Variants in CHRNG observed in about 807,000 individuals in gnomAD.
CHRNG encodes the protein acetylcholine receptor subunit gamma.
A neutral mutation model predicts 65.2 loss-of-function variants in CHRNG; 72 were observed. That is an observed-to-expected ratio of 1.10 (90% CI 0.91 to 1.34). CHRNG has a LOEUF of 1.34. CHRNG is among the 40% of genes most tolerant of loss of function. The pLI, the probability that CHRNG is intolerant of heterozygous loss-of-function variation, is 0.00. For synonymous variants in CHRNG, 284 were observed against 290.2 expected (o/e 0.98, Z 0.22); for missense variants, 637 against 680.1 (o/e 0.94, Z 0.70).
At position 232,543,079 on chromosome 2, in the gene CHRNG, A is replaced by C. The variant is rs1404804008; in HGVS notation, c.802A>C (p.Lys268Gln). 6.2e-7 allele frequency: 1 copy of C among 1,613,844 alleles called. No individual in the cohort carries two copies. The highest frequency in any genetic ancestry group is 1.3e-5 in the African/African-American group (1 of 74,922). Residue 268 changes from lysine to glutamine, a missense_variant, in exon 7 of 12, where the codon AAG becomes CAG. By Grantham distance (53) the Lys-to-Gln change is moderately conservative. Coordinates refer to ENST00000651502, the MANE Select transcript of CHRNG (RefSeq NM_005199.5). ...CATCCTCATCCACTTCCTTCCTGCC[A>C]AGGGTACCTGGAGCCTATGGGAAGG... The part of the protein sequence containing the change: ...VAILIHFLPA[K>Q]AGGQKCTVAI...
At position 232,547,854 on chromosome 2, in the gene CHRNG, CTA is replaced by C. The variant is rs2106225090; in HGVS notation, c.*2141_*2142del. On this transcript the variant is annotated 3_prime_UTR_variant, in exon 12 of 12. Coordinates refer to ENST00000651502, the MANE Select transcript of CHRNG (RefSeq NM_005199.5). ...CAAATGTTAACATTAGCTGCCATTA[CTA>C]TAAGTTACTGTCTCATGGGATCCAT... is the stretch of plus-strand genomic sequence containing the variant. 1 of 347,418 alleles carries C rather than the reference CTA, an allele frequency of 2.9e-6. No individual in the cohort carries two copies. Among genetic ancestry groups the C allele is most frequent in the African/African-American group, 2.1e-5 (1 of 47,692 alleles). 21.5% of individuals were successfully genotyped at this position (347,418 alleles called of 1,614,324 possible). A position where few individuals can be genotyped will look rare whatever the true frequency, so the allele number is the denominator to read the frequency against.
chr2:232,543,554 C>A (rs1399175762), intron 8 of CHRNG, 31 bp from the exon 9 acceptor site: 5 of 1,433,566 alleles, frequency 3.5e-6, no homozygotes, highest in Non-Finnish European at 4.9e-6. Flanking sequence ...ATGGTATGGG[C>A]TGCCAGCTCC....
At position 232,545,793 on chromosome 2, in the gene CHRNG, T is replaced by A; in HGVS notation, c.*77T>A. 9 of 1,512,300 alleles carry A rather than the reference T, an allele frequency of 6.0e-6. No homozygotes were observed. Among genetic ancestry groups the A allele is most frequent in the Non-Finnish European group, 8.2e-6 (9 of 1,091,308 alleles). The allele number at this position is 1,512,300 out of a possible 1,614,324, so 93.7% of individuals were successfully genotyped here. On this transcript the variant is annotated 3_prime_UTR_variant, in exon 12 of 12. Coordinates refer to ENST00000651502, the MANE Select transcript of CHRNG (RefSeq NM_005199.5). ...AGTCTTATCAGCCACGTTCTCCTACTGAGGTCCTAAGTGTGCTCTTTGGGA... is the reference window on the plus strand; with the variant it reads ...AGTCTTATCAGCCACGTTCTCCTACAGAGGTCCTAAGTGTGCTCTTTGGGA...
chr2:232,544,184 T>A (rs752256416), intron 9 of CHRNG, among the ~76,000 whole-genome samples, 183 bp from the exon 10 acceptor site: 1 of 152,182 alleles, frequency 6.6e-6, no homozygotes, highest in Non-Finnish European at 1.5e-5. Context: ...CCCTGGTGAT[T>A]CTGATGTGCA....
In CHRNG at chr2:232,544,486, T is replaced by A. The variant is rs370313191; in HGVS notation, c.1155T>A (p.Thr385=). The A allele has an allele frequency of 1.2e-6, 2 of 1,613,752 alleles. No homozygotes were observed. Among genetic ancestry groups the A allele is most frequent in the East Asian group, 2.2e-5 (1 of 44,864 alleles). ...GCTCCTCGGGATGGTCGATCACAAC[T>A]GGGGAGGAGGTGGCCCTCTGCCTGC... The part of the protein sequence containing the change: ...QNGSSGWSIT[T]GEEVALCLPR... Residue 385 remains threonine, a synonymous_variant, in exon 10 of 12, where the codon ACT becomes ACA. Transcript: ENST00000651502.
chr2:232,539,938 TC>T, intron 1 of CHRNG, 53 bp from the exon 2 acceptor site: 1 of 1,613,216 alleles, frequency 6.2e-7, no homozygotes, highest in Non-Finnish European at 8.5e-7. Context: ...CCCCAGGGCC[TC>T]CCCGCTCTTT....
intron 11 of CHRNG, 38 bp downstream of exon 11, chr2:232,544,940 A>G (rs1692097123): frequency 6.2e-7 from 1 of 1,612,840 alleles, no homozygotes; most frequent in Non-Finnish European, 8.5e-7. Flanking sequence ...TGGAGTGAGT[A>G]CCTGGGCTTG....
chr2:232,545,210 G>C (rs1574647165), intron 11 of CHRNG, among the ~76,000 whole-genome samples: 1 of 152,136 alleles, frequency 6.6e-6, no homozygotes, highest in Admixed American at 6.5e-5. Flanking sequence ...AGGAGGCTGA[G>C]GCAGGAGAAT....
chr2:232,539,791 C>A lies in CHRNG; in HGVS notation c.44C>A (p.Ala15Asp). The change falls in exon 1 of 12, where the codon GCT becomes GAT. Residue 15 changes from alanine to aspartate, a missense_variant. By Grantham distance (126) the Ala-to-Asp change is moderately radical. Transcript: ENST00000651502. ...QGPLLLLLLL[A>D]VCLGAQGRNQ... ...CCGCTGCTCCTCCTGCTGCTGCTGG[C>A]TGTCTGCCTGGGTGGGACACAAAGG... The A allele has an allele frequency of 6.2e-7, 1 of 1,613,898 alleles. No individual in the cohort carries two copies. The highest frequency in any genetic ancestry group is 1.1e-5 in the South Asian group (1 of 91,078).
Position 232,545,333 on chromosome 2 carries a change from G to A in CHRNG, c.1381-210G>A, listed in dbSNP as rs744159. ...GACTCCGTCTCAAAAAAAAAAAAAA[G>A]GAAAGAAAGAAAGAAAAAGGAACAG... On this transcript the variant is annotated intron_variant, in intron 11 of 11. Transcript: ENST00000651502. 0.42 allele frequency among the ~76,000 whole-genome samples: 61,032 copies of A among 146,368 alleles called. 14,085 individuals carry two copies. The highest frequency in any genetic ancestry group is 0.58 in the South Asian group (2,721 of 4,698).
rs145830034 is a variant in CHRNG at position 232,543,592 on chromosome 2, A to T, written c.928A>T (p.Thr310Ser). Residue 310 changes from threonine to serine, a missense_variant, in exon 9 of 12, where the codon ACC becomes TCC. Coordinates refer to ENST00000651502, the MANE Select transcript of CHRNG (RefSeq NM_005199.5). ...QAVPLISKYL[T>S]FLLVVTILIV... The stretch of plus-strand genomic sequence containing the variant: ...CCCACCCCACCCTGACAGGTACCTG[A>T]CCTTCCTCCTGGTGGTGACCATCCT... The T allele has an allele frequency of 1.2e-4, 191 of 1,608,050 alleles. No individual in the cohort carries two copies. The African/African-American group carries it at 2.3e-3, about 20-fold the overall frequency.
At position 232,539,762 on chromosome 2, in the gene CHRNG, G is replaced by A; in HGVS notation, c.15G>A (p.Gln5=). 1 of 1,613,960 alleles carries A rather than the reference G, an allele frequency of 6.2e-7. No individual in the cohort carries two copies. Among genetic ancestry groups the A allele is most frequent in the South Asian group, 1.1e-5 (1 of 91,082 alleles). The change falls in exon 1 of 12, where the codon CAG becomes CAA. Residue 5 remains glutamine (Q), a synonymous_variant. Transcript: ENST00000651502. The part of the protein sequence containing the change: MHGG[Q]GPLLLLLLLA... Reference sequence around the variant, plus strand: ...GCTGAGGCACCATGCATGGGGGCCAGGGGCCGCTGCTCCTCCTGCTGCTGC... The same window carrying A: ...GCTGAGGCACCATGCATGGGGGCCAAGGGCCGCTGCTCCTCCTGCTGCTGC...
At chr2:232,543,561 C>A (rs775966303) in intron 8 of CHRNG, 24 bp from the exon 9 acceptor site, 2 of 1,491,970 alleles carry the variant, frequency 1.3e-6, no homozygotes, top group Non-Finnish European at 1.9e-6. Context: ...GGGCTGCCAG[C>A]TCCTGCCCAC....
At position 232,542,915 on chromosome 2, in the gene CHRNG, C is replaced by A. The variant is rs765437470; in HGVS notation, c.638C>A (p.Ala213Asp). The change falls in exon 7 of 12, where the codon GCC becomes GAC. Residue 213 changes from alanine to aspartate, a missense_variant. Transcript: ENST00000651502. ...GAGTGGGCCATCCAGCACCGACCAG[C>A]CAAGATGCTCCTGGACCCAGCGGCG... Reference protein sequence around the residue: ...NGEWAIQHRPAKMLLDPAAPA... With the variant: ...NGEWAIQHRPDKMLLDPAAPA... 7 of 1,614,148 alleles carry A rather than the reference C, an allele frequency of 4.3e-6. No individual in the cohort carries two copies. Among genetic ancestry groups the A allele is most frequent in the Non-Finnish European group, 8.5e-7 (1 of 1,180,028 alleles).
At position 232,540,141 on chromosome 2, in the gene CHRNG, A is replaced by G. The variant is rs1472920858; in HGVS notation, c.195+10A>G. ...CAACCTCATCTCCCTGGTAAGCCGC[A>G]GGACGGAGGAGGGGTCAGCGCACCA... On this transcript the variant is annotated intron_variant, in intron 2 of 11. Transcript: ENST00000651502. This position sits in a 1 kb window ranked among gnomAD's most constrained non-coding sequence, Gnocchi z 4.2. The G allele has an allele frequency of 1.8e-5, 29 of 1,614,038 alleles. No homozygotes were observed. The highest frequency in any genetic ancestry group is 2.2e-5 in the Non-Finnish European group (26 of 1,180,010).
In CHRNG at chr2:232,540,713, T is replaced by G. The variant is rs1455030282; in HGVS notation, c.350+2T>G. On this transcript the variant is annotated splice_donor_variant, in intron 4 of 11. Coordinates refer to ENST00000651502, the MANE Select transcript of CHRNG (RefSeq NM_005199.5). LOFTEE classifies it high-confidence loss of function. This position sits in a 1 kb window ranked among gnomAD's most constrained non-coding sequence, Gnocchi z 4.2. ...GCCGGATATCGTGCTGGAGAACAAG[T>G]GAGGAGGGGGTGCAGGCAGGGGTGT... 1.2e-6 allele frequency: 2 copies of G among 1,608,678 alleles called. No homozygotes were observed. The highest frequency in any genetic ancestry group is 2.2e-5 in the East Asian group (1 of 44,774).
At position 232,544,756 on chromosome 2, in the gene CHRNG, C is replaced by G. The variant is rs1692092540; in HGVS notation, c.1250-16C>G. 1 of 1,613,882 alleles carries G rather than the reference C, an allele frequency of 6.2e-7. No individual in the cohort carries two copies. Among genetic ancestry groups the G allele is most frequent in the African/African-American group, 1.3e-5 (1 of 75,042 alleles). ...CCTCCATTCTACTCCCAAACCTTAC[C>G]CTTTCTCTTTATCAGAGAAAGGCCC... is the stretch of plus-strand genomic sequence containing the variant. On this transcript the variant is annotated splice_polypyrimidine_tract_variant and intron_variant, in intron 10 of 11. Transcript: ENST00000651502.
In CHRNG at chr2:232,545,805, T is replaced by C. The variant is rs1692122382; in HGVS notation, c.*89T>C. On this transcript the variant is annotated 3_prime_UTR_variant, in exon 12 of 12. Transcript: ENST00000651502. ...CACGTTCTCCTACTGAGGTCCTAAG[T>C]GTGCTCTTTGGGAAGTGCCCTTCAG... 4.8e-6 allele frequency: 7 copies of C among 1,445,446 alleles called. No homozygotes were observed. Among genetic ancestry groups the C allele is most frequent in the Non-Finnish European group, 6.8e-6 (7 of 1,033,644 alleles). The allele number at this position is 1,445,446 out of a possible 1,614,324, so 89.5% of individuals were successfully genotyped here.
chr2:232,540,627 GGGATCC>G lies in CHRNG; in HGVS notation c.268_273del (p.Asp90_Pro91del). The G allele has an allele frequency of 6.2e-7, 1 of 1,612,734 alleles. No homozygotes were observed. The highest frequency in any genetic ancestry group is 8.5e-7 in the Non-Finnish European group (1 of 1,179,976). On this transcript the variant is annotated inframe_deletion, in exon 4 of 12. Coordinates refer to ENST00000651502, the MANE Select transcript of CHRNG (RefSeq NM_005199.5). This position sits in a 1 kb window ranked among gnomAD's most constrained non-coding sequence, Gnocchi z 4.2. ...CAGTGGTGCGACTATCGCCTGCGCTGGGATCCGCGAGACTACGAAGGCCTGTGGGTG... is the reference window on the plus strand; with the variant it reads ...CAGTGGTGCGACTATCGCCTGCGCTGGCGAGACTACGAAGGCCTGTGGGTG...
Sources: gnomAD v4.1 joint callset for allele counts (sites outside exome capture counted in the v4.1 genomes callset) on GRCh38, gnomAD v4.1.1 for gene constraint, Gnocchi (gnomAD v3.1) non-coding constraint, MANE v1.5 for transcripts, NCBI Gene and HGNC (gene_info 2026-07-23, HGNC 2026-07-21) for gene names.